DAPL1: variants seen among roughly 807,000 people sequenced by gnomAD.
DAPL1 encodes the protein death associated protein like 1, also known as death-associated protein-like 1.
DAPL1 carries 17 observed loss-of-function variants against 12.9 expected under a neutral mutation model. That is an observed-to-expected ratio of 1.32 (90% CI 0.90 to 1.98). The LOEUF is 1.98. DAPL1 is among the 30% of genes most tolerant of loss of function. The pLI is 0.00. For synonymous variants in DAPL1, 51 were observed against 42.0 expected (o/e 1.21, Z -0.82); for missense variants, 157 against 125.7 (o/e 1.25, Z -1.19).
At chr2:158,799,255 G>T (rs921013873) in intron 1 of DAPL1, among the ~76,000 whole-genome samples, 2 of 152,026 alleles carry the variant, frequency 1.3e-5, no homozygotes, top group African/African-American at 4.8e-5. Context: ...TTACATATTT[G>T]TACTCAACAT....
At position 158,799,634 on chromosome 2, in the gene DAPL1, A is replaced by G. The variant is rs190885035; in HGVS notation, c.58+4204A>G. On this transcript the variant is annotated intron_variant, in intron 1 of 3. Coordinates refer to ENST00000309950, the MANE Select transcript of DAPL1 (RefSeq NM_001017920.3). ...AATCTATATCAGTGCATCCATCTGT[A>G]GTCTAGGGATATTATCTTCCGCTTC... Among the ~76,000 whole-genome samples the G allele has an allele frequency of 3.9e-5, 6 of 152,234 alleles. No individual in the cohort carries two copies. In the East Asian group the frequency reaches 1.2e-3, roughly 29 times the overall value.
intron 2 of DAPL1, among the ~76,000 whole-genome samples, chr2:158,805,003 A>C (rs574235202): frequency 3.4e-4 from 51 of 152,160 alleles, no homozygotes; most frequent in African/African-American, 1.1e-3. Flanking sequence ...GGAAAACCAG[A>C]GCATTCCAAA....
At chr2:158,803,043 C>A (rs1348497624) in intron 1 of DAPL1, among the ~76,000 whole-genome samples, 1 of 152,156 alleles carries the variant, frequency 6.6e-6, no homozygotes, top group Non-Finnish European at 1.5e-5. Flanking sequence ...AGATTTGGAA[C>A]TTTCTCTAAA....
chr2:158,801,125 G>A (rs576488439), intron 1 of DAPL1, among the ~76,000 whole-genome samples: 2 of 152,204 alleles, frequency 1.3e-5, no homozygotes, highest in Non-Finnish European at 2.9e-5. Context: ...TTACAGGTGT[G>A]AGCCATCGCG....
intron 3 of DAPL1, among the ~76,000 whole-genome samples, chr2:158,811,522 C>G (rs745696980): frequency 6.6e-6 from 1 of 152,150 alleles, no homozygotes; most frequent in Non-Finnish European, 1.5e-5. Context: ...ATAAAGACCT[C>G]TATCACACTT....
At chr2:158,807,205 T>C (rs1356200293) in intron 3 of DAPL1, 90 bp downstream of exon 3, 1 of 959,054 alleles carries the variant, frequency 1.0e-6, no homozygotes, top group African/African-American at 1.6e-5. Flanking sequence ...CCACTGAGGT[T>C]TTTTCCAACC....
chr2:158,815,799 T>C lies in DAPL1; in HGVS notation c.302T>C (p.Ile101Thr), dbSNP rs1235261019. 1 of 1,613,210 alleles carries C rather than the reference T, an allele frequency of 6.2e-7. No individual in the cohort carries two copies. The highest frequency in any genetic ancestry group is 1.1e-5 in the South Asian group (1 of 91,038). Residue 101 changes from isoleucine to threonine, a missense_variant, in exon 4 of 4, where the codon ATT becomes ACT. By Grantham distance (89) the Ile-to-Thr change is moderately conservative. Transcript: ENST00000309950. ...KVVPLKRIYI[I>T]QQPRKC Reference sequence around the variant, plus strand: ...GTTCCACTGAAAAGGATCTACATTATTCAGCAGCCTCGAAAATGTTAAGCC... The same window carrying C: ...GTTCCACTGAAAAGGATCTACATTACTCAGCAGCCTCGAAAATGTTAAGCC...
At chr2:158,801,167 C>T (rs1231983469) in intron 1 of DAPL1, among the ~76,000 whole-genome samples, 1 of 152,106 alleles carries the variant, frequency 6.6e-6, no homozygotes, top group African/African-American at 2.4e-5. Flanking sequence ...TTAACTAAAA[C>T]AATTTTGCTT....
chr2:158,806,369 C>T (rs961494666), intron 2 of DAPL1, among the ~76,000 whole-genome samples: 4 of 152,062 alleles, frequency 2.6e-5, no homozygotes, highest in Non-Finnish European at 4.4e-5. Context: ...AAGCTGTAGA[C>T]GGTTCATTTT....
intron 3 of DAPL1, among the ~76,000 whole-genome samples, chr2:158,809,707 T>C (rs1046883091): frequency 8.5e-5 from 13 of 152,194 alleles, no homozygotes; most frequent in Non-Finnish European, 1.0e-4. Context: ...GCAAGTGATA[T>C]CTTCTGTTCC....
chr2:158,801,015 G>A (rs1019690802), intron 1 of DAPL1, among the ~76,000 whole-genome samples: 2 of 152,230 alleles, frequency 1.3e-5, no homozygotes, highest in South Asian at 2.1e-4. Flanking sequence ...GCTAATTTTT[G>A]TATTTTTAGT....
chr2:158,802,585 T>G (rs2059174194), intron 1 of DAPL1, among the ~76,000 whole-genome samples: 1 of 152,194 alleles, frequency 6.6e-6, no homozygotes, highest in Admixed American at 6.5e-5. Flanking sequence ...TTTCTTTACA[T>G]CAGTAGAATA....
intron 1 of DAPL1, among the ~76,000 whole-genome samples, chr2:158,799,095 AT>A (rs2059151419): frequency 6.6e-6 from 1 of 152,232 alleles, no homozygotes; most frequent in Non-Finnish European, 1.5e-5. Flanking sequence ...TCACAAGAGT[AT>A]AATTCTCATG....
chr2:158,801,866 T>C lies in DAPL1; in HGVS notation c.59-2416T>C, dbSNP rs151258331. Reference sequence around the variant, plus strand: ...ACAATATAATATTTTATATTTGCAATGTATCTCATGGAAAAATAGCTCCTA... The same window carrying C: ...ACAATATAATATTTTATATTTGCAACGTATCTCATGGAAAAATAGCTCCTA... On this transcript the variant is annotated intron_variant, in intron 1 of 3. Coordinates refer to ENST00000309950, the MANE Select transcript of DAPL1 (RefSeq NM_001017920.3). Among the ~76,000 whole-genome samples the C allele has an allele frequency of 1.1e-4, 16 of 152,256 alleles. No homozygotes were observed. The East Asian group carries it at 3.1e-3, about 29-fold the overall frequency.
chr2:158,805,128 T>G (rs1204266894), intron 2 of DAPL1, among the ~76,000 whole-genome samples: 2 of 152,252 alleles, frequency 1.3e-5, no homozygotes, highest in Non-Finnish European at 2.9e-5. Context: ...GAGTAGAGGA[T>G]GCTCCAGGCA....
intron 1 of DAPL1, among the ~76,000 whole-genome samples, chr2:158,802,836 A>G (rs956866402): frequency 6.6e-6 from 1 of 152,184 alleles, no homozygotes; most frequent in Non-Finnish European, 1.5e-5. Context: ...CTGGATCAAG[A>G]CACCTCTTTC....
At chr2:158,798,417 C>T (rs2059146939) in intron 1 of DAPL1, among the ~76,000 whole-genome samples, 2 of 152,208 alleles carry the variant, frequency 1.3e-5, no homozygotes, top group Non-Finnish European at 2.9e-5. Context: ...CAGGACAGAA[C>T]CATGAAGTTA....
intron 3 of DAPL1, among the ~76,000 whole-genome samples, chr2:158,810,330 G>A (rs558177601): frequency 6.6e-6 from 1 of 152,242 alleles, no homozygotes; most frequent in South Asian, 2.1e-4. Context: ...TGCAGTGGCA[G>A]AATTGAGAGT....
chr2:158,811,730 G>T (rs80310850), intron 3 of DAPL1, among the ~76,000 whole-genome samples: 4,072 of 152,160 alleles, frequency 0.027, 179 homozygotes, highest in African/African-American at 0.092. Flanking sequence ...GGTTACCCTA[G>T]ATTCTCTTAC....
Sources: gnomAD v4.1 joint callset for allele counts (sites outside exome capture counted in the v4.1 genomes callset) on GRCh38, gnomAD v4.1.1 for gene constraint, MANE v1.5 for transcripts, NCBI Gene and HGNC (gene_info 2026-07-23, HGNC 2026-07-21) for gene names.